FAM234B: variants seen among roughly 807,000 people sequenced by gnomAD.
The protein encoded by FAM234B is family with sequence similarity 234 member B.
A neutral mutation model predicts 69.3 loss-of-function variants in FAM234B; 33 were observed. That is an observed-to-expected ratio of 0.48 (90% CI 0.36 to 0.64). The LOEUF is 0.64. Among genes scored for constraint, FAM234B ranks in the 30% least tolerant of loss-of-function variants. FAM234B has a pLI of 0.00. For missense variants in FAM234B, 697 were observed against 769.7 expected (o/e 0.91, Z 1.12); for synonymous variants, 306 against 306.9 (o/e 1.00, Z 0.03).
intron 11 of FAM234B, among the ~76,000 whole-genome samples, chr12:13,078,497 C>T (rs1420615458): frequency 2.0e-5 from 3 of 152,176 alleles, no homozygotes; most frequent in Non-Finnish European, 4.4e-5. Context: ...GATGCCCTCT[C>T]TCACCACTCC....
chr12:13,070,920 C>G (rs1865098666), intron 9 of FAM234B, among the ~76,000 whole-genome samples: 1 of 152,162 alleles, frequency 6.6e-6, no homozygotes, highest in Non-Finnish European at 1.5e-5. Flanking sequence ...ATCCGCGTGT[C>G]CACATCACTT....
Position 13,066,627 on chromosome 12 carries a change from C to T in FAM234B, c.853-13C>T, listed in dbSNP as rs1190912336. On this transcript the variant is annotated splice_polypyrimidine_tract_variant and intron_variant, in intron 5 of 12. Coordinates refer to ENST00000197268, the MANE Select transcript of FAM234B (RefSeq NM_020853.2). ...GCTTCTATTGACTCCACCCCCCTCT[C>T]TTACTTCCTCAGCCAGATCTGTGCT... 4.4e-6 allele frequency: 7 copies of T among 1,607,014 alleles called. No homozygotes were observed. Among genetic ancestry groups the T allele is most frequent in the Non-Finnish European group, 5.9e-6 (7 of 1,176,654 alleles).
Position 13,067,172 on chromosome 12 carries a change from G to A in FAM234B, c.1018G>A (p.Ala340Thr), listed in dbSNP as rs1317641643. The A allele has an allele frequency of 1.9e-6, 3 of 1,613,984 alleles. No individual in the cohort carries two copies. Among genetic ancestry groups the A allele is most frequent in the Non-Finnish European group, 2.5e-6 (3 of 1,179,896 alleles). ...LFGFGNIQAV[A>T]LRDIFVQAQN... ...GGTGCTAGGAAATATACAAGCTGTC[G>A]CACTGCGGGACATTTTTGTTCAGGC... Residue 340 changes from alanine (A) to threonine (T), a missense_variant, in exon 7 of 13, where the codon GCA becomes ACA. By Grantham distance (58) the Ala-to-Thr change is moderately conservative (BLOSUM62 0). This residue lies in a region of FAM234B where 380 missense variants were observed against 447.1 expected (regional missense o/e 0.85). Transcript: ENST00000197268. This position sits in a 1 kb window ranked among gnomAD's most constrained non-coding sequence, Gnocchi z 4.7.
intron 3 of FAM234B, among the ~76,000 whole-genome samples, chr12:13,060,721 A>G (rs1235575265): frequency 6.6e-6 from 1 of 152,222 alleles, no homozygotes; most frequent in Non-Finnish European, 1.5e-5. Flanking sequence ...TTCCTTATCC[A>G]TATTAGTTGT....
In FAM234B at chr12:13,079,980, A is replaced by C. The variant is rs754994891; in HGVS notation, c.1834A>C (p.Arg612=). The change falls in exon 12 of 13, where the codon AGG becomes CGG. Residue 612 remains arginine, a synonymous_variant. Transcript: ENST00000197268. ...TGGGGAGCTGCGAAGATTTCTCTCT[A>C]GGATAAAGTTTGTTGAAGCTCCCTA... ...GRGELRRFLS[R]IKFVEAPYEI 1 of 1,608,518 alleles carries C rather than the reference A, an allele frequency of 6.2e-7. No homozygotes were observed. Among genetic ancestry groups the C allele is most frequent in the East Asian group, 2.2e-5 (1 of 44,788 alleles).
chr12:13,048,799 T>C (rs1218219638), intron 1 of FAM234B, among the ~76,000 whole-genome samples: 2 of 152,226 alleles, frequency 1.3e-5, no homozygotes, highest in East Asian at 3.8e-4. Flanking sequence ...AGAGGTTTAA[T>C]GGTCTTACAG....
chr12:13,064,494 C>T (rs528819019), intron 5 of FAM234B, among the ~76,000 whole-genome samples: 22 of 152,326 alleles, frequency 1.4e-4, no homozygotes, highest in African/African-American at 5.3e-4. Context: ...GATAGTGGCT[C>T]AGGCCCTTGG....
intron 9 of FAM234B, among the ~76,000 whole-genome samples, chr12:13,070,172 G>GATATATATATATAT (rs66463903): frequency 1.7e-4 from 24 of 139,760 alleles, no homozygotes; most frequent in African/African-American, 6.1e-4. Flanking sequence ...ATTAAAAAAA[G>GATATATATATATAT]ATATATATAT....
intron 11 of FAM234B, among the ~76,000 whole-genome samples, chr12:13,077,861 T>TG (rs1424162632): frequency 6.6e-6 from 1 of 152,234 alleles, no homozygotes; most frequent in African/African-American, 2.4e-5. Flanking sequence ...ACTTCCACAA[T>TG]GGTTGAACTA....
intron 10 of FAM234B, 74 bp from the exon 11 acceptor site, chr12:13,075,952 C>G: frequency 9.5e-7 from 1 of 1,054,832 alleles, no homozygotes; most frequent in Non-Finnish European, 1.5e-6. Flanking sequence ...TCTACTCTGC[C>G]TTTTCACCTG....
At chr12:13,064,990 CA>C (rs1172534980) in intron 5 of FAM234B, among the ~76,000 whole-genome samples, 1 of 152,148 alleles carries the variant, frequency 6.6e-6, no homozygotes, top group Non-Finnish European at 1.5e-5. Flanking sequence ...TTAACTTTCT[CA>C]CACCATGCTA....
In FAM234B at chr12:13,079,961, G is replaced by T. The variant is rs1054531117; in HGVS notation, c.1815G>T (p.Glu605Asp). The part of the protein sequence containing the change: ...QESTPKIGRG[E>D]LRRFLSRIKF... Reference sequence around the variant, plus strand: ...CCACCCCCAAAATTGGCCGTGGGGAGCTGCGAAGATTTCTCTCTAGGATAA... The same window carrying T: ...CCACCCCCAAAATTGGCCGTGGGGATCTGCGAAGATTTCTCTCTAGGATAA... Residue 605 changes from glutamate to aspartate, a missense_variant, in exon 12 of 13, where the codon GAG becomes GAT. Physicochemically the swap from Glu to Asp is conservative, Grantham distance 45. Around this residue, in one of 3 missense-constraint regions of FAM234B, gnomAD observed 313 missense variants for 305.5 expected, o/e 1.02. Coordinates refer to ENST00000197268, the MANE Select transcript of FAM234B (RefSeq NM_020853.2). 1.2e-6 allele frequency: 2 copies of T among 1,612,358 alleles called. No individual in the cohort carries two copies. The highest frequency in any genetic ancestry group is 1.7e-6 in the Non-Finnish European group (2 of 1,179,254).
intron 4 of FAM234B, 52 bp downstream of exon 4, chr12:13,061,815 G>A: frequency 6.5e-7 from 1 of 1,539,860 alleles, no homozygotes; most frequent in Non-Finnish European, 8.9e-7. Context: ...CATACTTTTG[G>A]ATTAGAATAA....
Position 13,082,648 on chromosome 12 carries a change from A to G in FAM234B, c.*2018A>G, listed in dbSNP as rs796757709. On this transcript the variant is annotated 3_prime_UTR_variant, in exon 13 of 13. Transcript: ENST00000197268. The stretch of plus-strand genomic sequence containing the variant: ...TATAGAATTTGAAGAATTAATTTAT[A>G]GGCAGCTGAATACCCAAAACTTGGG... 1.1e-4 allele frequency: 16 copies of G among 152,346 alleles called. No homozygotes were observed. Among genetic ancestry groups the G allele is most frequent in the African/African-American group, 3.8e-4 (16 of 41,576 alleles). 9.4% of individuals were successfully genotyped at this position (152,346 alleles called of 1,614,324 possible). A position where few individuals can be genotyped will look rare whatever the true frequency, so the allele number is the denominator to read the frequency against.
rs750275625 is a variant in FAM234B, at chr12:13,079,894, G to T, written c.1748G>T (p.Arg583Leu). 1.9e-6 allele frequency: 3 copies of T among 1,614,062 alleles called. No homozygotes were observed. The highest frequency in any genetic ancestry group is 2.5e-6 in the Non-Finnish European group (3 of 1,179,962). Reference protein sequence around the residue: ...AALVVSKLSLRWALMEGQMAQ... With the variant: ...AALVVSKLSLLWALMEGQMAQ... ...CTGGTGGTCAGCAAGCTTAGTCTAC[G>T]GTGGGCACTAATGGAGGGCCAGATG... is the stretch of plus-strand genomic sequence containing the variant. Residue 583 changes from arginine (R) to leucine (L), a missense_variant, in exon 12 of 13, where the codon CGG becomes CTG. Arg to Leu is a moderately radical substitution (Grantham distance 102). Around this residue, in one of 3 missense-constraint regions of FAM234B, gnomAD observed 313 missense variants for 305.5 expected, o/e 1.02. Coordinates refer to ENST00000197268, the MANE Select transcript of FAM234B (RefSeq NM_020853.2).
chr12:13,046,151 C>T (rs918042677), intron 1 of FAM234B, among the ~76,000 whole-genome samples: 2 of 94,902 alleles, frequency 2.1e-5, no homozygotes, highest in African/African-American at 5.2e-5. Context: ...TGTTCACTTG[C>T]GTCTACGGCC....
chr12:13,080,070 G>T (rs1014143624), intron 12 of FAM234B, 61 bp downstream of exon 12: 2 of 1,278,140 alleles, frequency 1.6e-6, no homozygotes, highest in Non-Finnish European at 1.1e-6. Flanking sequence ...ACCAATTCCA[G>T]CTTTGTCTTT....
At chr12:13,054,225 T>C (rs1864905801) in intron 1 of FAM234B, among the ~76,000 whole-genome samples, 1 of 150,790 alleles carries the variant, frequency 6.6e-6, no homozygotes, top group Non-Finnish European at 1.5e-5. Context: ...ATAAGAGTAT[T>C]AATAGGGAAG....
In FAM234B at chr12:13,065,323, C is replaced by G. The variant is rs116615529; in HGVS notation, c.853-1317C>G. ...ACTGTTCCTCATGCAACCAGGAAGT[C>G]CAAACCCCTCTTTTTCTTGATTTCT... On this transcript the variant is annotated intron_variant, in intron 5 of 12. Transcript: ENST00000197268. Among the ~76,000 whole-genome samples, 368 of 152,282 alleles carry G rather than the reference C, an allele frequency of 2.4e-3. 3 individuals are homozygous for G. Among genetic ancestry groups the G allele is most frequent in the African/African-American group, 8.5e-3 (354 of 41,548 alleles).
Sources: allele counts gnomAD v4.1 joint callset (sites outside exome capture counted in the v4.1 genomes callset), GRCh38; gene constraint gnomAD v4.1.1; regional missense constraint gnomAD v4.1.1; non-coding constraint Gnocchi (gnomAD v3.1); transcripts MANE v1.5; gene names NCBI Gene and HGNC (gene_info 2026-07-23, HGNC 2026-07-21).